Variants in UBAP2L observed in about 807,000 individuals in gnomAD.
UBAP2L encodes ubiquitin associated protein 2 like.
In UBAP2L, 12 loss-of-function variants were observed where a neutral mutation model predicts 130.6. The ratio of observed to expected loss-of-function variants is 0.09; its 90% CI spans 0.06 to 0.15. The LOEUF is 0.15. Ranked by LOEUF, UBAP2L falls within the 10% of genes least tolerant of loss-of-function variation. The pLI is 1.00. For missense variants in UBAP2L, 965 were observed against 1,332.5 expected (o/e 0.72, Z 4.29); for synonymous variants, 503 against 524.7 (o/e 0.96, Z 0.57).
At chr1:154,255,878 G>C in intron 18 of UBAP2L, 123 bp downstream of exon 18, 1 of 1,220,826 alleles carries the variant, frequency 8.2e-7, no homozygotes. Context: ...TTGATTTGAG[G>C]TTGCAGGAAA....
At position 154,250,624 on chromosome 1, in the gene UBAP2L, C is replaced by T. The variant is rs114212637; in HGVS notation, c.1214-417C>T. Among the ~76,000 whole-genome samples, 835 of 152,134 alleles carry T rather than the reference C, an allele frequency of 5.5e-3. 9 individuals are homozygous for T. The highest frequency in any genetic ancestry group is 0.019 in the African/African-American group (793 of 41,502). On this transcript the variant is annotated intron_variant, in intron 12 of 26. Coordinates refer to ENST00000428931, the MANE Select transcript of UBAP2L (RefSeq NM_014847.4). The stretch of plus-strand genomic sequence containing the variant: ...ATCCTAGCACTTCGAGAAGCCGAGG[C>T]GGACGGATCACTTGAGGTCAGGAGT...
chr1:154,263,330 C>T, intron 24 of UBAP2L: 2 of 1,424,580 alleles, frequency 1.4e-6, no homozygotes, highest in East Asian at 2.6e-5. Flanking sequence ...CCCCCATTTC[C>T]CTCTCCCCCA....
At chr1:154,221,445 C>T (rs1218558596) in intron 1 of UBAP2L, 1 of 152,908 alleles carries the variant, frequency 6.5e-6, no homozygotes, top group East Asian at 1.9e-4. Flanking sequence ...GAGAGGGCCT[C>T]CTCCCTTTCC....
At chr1:154,223,121 GT>G (rs1435725458) in intron 1 of UBAP2L, among the ~76,000 whole-genome samples, 1 of 84,306 alleles carries the variant, frequency 1.2e-5, no homozygotes, top group Non-Finnish European at 2.1e-5. Flanking sequence ...CTACTAGGTG[GT>G]AAAAATTTTC....
Position 154,270,806 on chromosome 1 carries a change from A to G in UBAP2L, c.*511A>G. On this transcript the variant is annotated 3_prime_UTR_variant, in exon 27 of 27. Transcript: ENST00000428931. ...TTTTTTGTACTGTGTCCTCAAATTT[A>G]ATGGATTAATGTGTCTTGTATATAT... The G allele has an allele frequency of 1.1e-5, 9 of 849,148 alleles. No individual in the cohort carries two copies. The highest frequency in any genetic ancestry group is 1.4e-4 in the East Asian group (2 of 13,936). The allele number at this position is 849,148 out of a possible 1,614,324, so 52.6% of individuals were successfully genotyped here. A position where few individuals can be genotyped will look rare whatever the true frequency, so the allele number is the denominator to read the frequency against.
chr1:154,261,125 T>C lies in UBAP2L; in HGVS notation c.2796+16T>C. 1 of 1,611,344 alleles carries C rather than the reference T, an allele frequency of 6.2e-7. No homozygotes were observed. Among genetic ancestry groups the C allele is most frequent in the Non-Finnish European group, 8.5e-7 (1 of 1,178,184 alleles). On this transcript the variant is annotated intron_variant, in intron 23 of 26. Transcript: ENST00000428931. ...TGTGTTCCCTGTGAGTACCTGGCTT[T>C]GGTCACTCCTTGTGGTGAAGGATCC...
At chr1:154,265,844 T>C (rs1223779335) in intron 24 of UBAP2L, among the ~76,000 whole-genome samples, 1 of 152,188 alleles carries the variant, frequency 6.6e-6, no homozygotes, top group African/African-American at 2.4e-5. Context: ...TGTCTACCTA[T>C]CCCTCCCCAC....
At chr1:154,261,542 A>G (rs1191972474) in intron 23 of UBAP2L, 50 bp from the exon 24 acceptor site, 1 of 1,562,928 alleles carries the variant, frequency 6.4e-7, no homozygotes, top group Admixed American at 1.7e-5. Context: ...AGTGGGACAG[A>G]TGGTATTCTG....
Position 154,251,322 on chromosome 1 carries a change from C to G in UBAP2L, c.1491+4C>G. The G allele has an allele frequency of 6.2e-7, 1 of 1,608,732 alleles. No individual in the cohort carries two copies. The highest frequency in any genetic ancestry group is 8.5e-7 in the Non-Finnish European group (1 of 1,177,938). ...AAAAGCCTCCTTGACTTCTAAGGTACTTAAACTTTTAGGTAGATACCATTT... is the reference window on the plus strand; with the variant it reads ...AAAAGCCTCCTTGACTTCTAAGGTAGTTAAACTTTTAGGTAGATACCATTT... On this transcript the variant is annotated splice_donor_region_variant and intron_variant, in intron 13 of 26. Transcript: ENST00000428931.
chr1:154,256,379 G>A (rs1228046793), intron 18 of UBAP2L, among the ~76,000 whole-genome samples: 2 of 152,308 alleles, frequency 1.3e-5, no homozygotes, highest in Middle Eastern at 3.4e-3. Context: ...GCTCACCTCT[G>A]TAATCCCAAC....
Position 154,249,316 on chromosome 1 carries a change from G to T in UBAP2L, c.1092G>T (p.Glu364Asp). 6.2e-7 allele frequency: 1 copy of T among 1,614,166 alleles called. No individual in the cohort carries two copies. The highest frequency in any genetic ancestry group is 8.5e-7 in the Non-Finnish European group (1 of 1,180,040). Residue 364 changes from glutamate to aspartate, a missense_variant, in exon 12 of 27, where the codon GAG (glutamate) becomes GAT (aspartate). This residue lies in a region of UBAP2L where 19 missense variants were observed against 59.1 expected (regional missense o/e 0.32). Transcript: ENST00000428931. ...GTACTACAGGCTCCCAGTTCTTGGA[G>T]CAATTCAAGACTGCCCAAGCCCTGG... ...GGSTTGSQFL[E>D]QFKTAQALAQ...
At chr1:154,262,039 A>C (rs554694432) in intron 24 of UBAP2L, among the ~76,000 whole-genome samples, 1 of 152,360 alleles carries the variant, frequency 6.6e-6, no homozygotes, top group Non-Finnish European at 1.5e-5. Context: ...TATGTATGGC[A>C]CTGATAGTAC....
At chr1:154,221,698 A>G (rs2148386863) in intron 1 of UBAP2L, among the ~76,000 whole-genome samples, 2 of 152,256 alleles carry the variant, frequency 1.3e-5, no homozygotes, top group Middle Eastern at 6.8e-3. Flanking sequence ...CTCCGTTTCC[A>G]GGCTCTTTGT....
At chr1:154,240,565 A>G (rs1330464538) in intron 8 of UBAP2L, among the ~76,000 whole-genome samples, 2 of 152,138 alleles carry the variant, frequency 1.3e-5, no homozygotes, top group African/African-American at 4.8e-5. Flanking sequence ...TCTTTTGAAG[A>G]GGACAGCTCT....
At chr1:154,225,693 C>G (rs1667689865) in intron 2 of UBAP2L, among the ~76,000 whole-genome samples, 1 of 152,142 alleles carries the variant, frequency 6.6e-6, no homozygotes. Flanking sequence ...TGGTCTTGAA[C>G]TCATGGGATT....
chr1:154,266,595 G>A (rs1396090571), intron 25 of UBAP2L, 27 bp downstream of exon 25: 4 of 1,609,456 alleles, frequency 2.5e-6, no homozygotes, highest in Admixed American at 1.7e-5. Flanking sequence ...GGATAAAAGT[G>A]GAAAAGAGAT....
rs781080848 is a variant in UBAP2L, at chr1:154,268,960, A to C, written c.3168+6A>C. ...ACCTGCAGCAGGATGGCCAGGTAAT[A>C]GCCCTTCCCCTTCTCTCCTTTCCCT... On this transcript the variant is annotated splice_donor_region_variant and intron_variant, in intron 26 of 26. Transcript: ENST00000428931. The C allele has an allele frequency of 6.2e-7, 1 of 1,607,206 alleles. No individual in the cohort carries two copies. The highest frequency in any genetic ancestry group is 2.3e-5 in the East Asian group (1 of 44,220).
intron 1 of UBAP2L, among the ~76,000 whole-genome samples, chr1:154,221,937 G>C (rs774816162): frequency 6.6e-6 from 1 of 152,178 alleles, no homozygotes; most frequent in African/African-American, 2.4e-5. Context: ...GGAATGCCCA[G>C]TTTCTTCAAA....
At position 154,261,118 on chromosome 1, in the gene UBAP2L, C is replaced by T; in HGVS notation, c.2796+9C>T. ...GGCCTGCTGTGTTCCCTGTGAGTACCTGGCTTTGGTCACTCCTTGTGGTGA... is the reference window on the plus strand; with the variant it reads ...GGCCTGCTGTGTTCCCTGTGAGTACTTGGCTTTGGTCACTCCTTGTGGTGA... On this transcript the variant is annotated intron_variant, in intron 23 of 26. Coordinates refer to ENST00000428931, the MANE Select transcript of UBAP2L (RefSeq NM_014847.4). 1.9e-6 allele frequency: 3 copies of T among 1,612,544 alleles called. No homozygotes were observed. The highest frequency in any genetic ancestry group is 2.5e-6 in the Non-Finnish European group (3 of 1,179,012).
Sources: gnomAD v4.1 joint callset for allele counts (sites outside exome capture counted in the v4.1 genomes callset) on GRCh38, gnomAD v4.1.1 for gene constraint, gnomAD v4.1.1 regional missense constraint, MANE v1.5 for transcripts, NCBI Gene and HGNC (gene_info 2026-07-23, HGNC 2026-07-21) for gene names.